The following CDH9 variants were observed in gnomAD, a reference collection of about 807,000 sequenced individuals.
The protein encoded by CDH9 is cadherin-9.
In CDH9, 28 loss-of-function variants were observed where a neutral mutation model predicts 70.9. The ratio of observed to expected loss-of-function variants is 0.40; its 90% CI spans 0.29 to 0.54. CDH9 has a LOEUF of 0.54. Ranked by LOEUF, CDH9 falls within the 20% of genes least tolerant of loss-of-function variation. The pLI is 0.59. For missense variants in CDH9, 874 were observed against 984.4 expected (o/e 0.89, Z 1.50); for synonymous variants, 409 against 343.1 (o/e 1.19, Z -2.12).
intron 2 of CDH9, among the ~76,000 whole-genome samples, chr5:26,952,901 C>CAA (rs70939788): frequency 2.3e-3 from 243 of 105,252 alleles, no homozygotes; most frequent in African/African-American, 6.4e-3. Flanking sequence ...GTTTCTATTC[C>CAA]AAAAAAAAAA....
At chr5:27,021,332 A>G (rs1445156652) in intron 1 of CDH9, among the ~76,000 whole-genome samples, 1 of 151,878 alleles carries the variant, frequency 6.6e-6, no homozygotes, top group Non-Finnish European at 1.5e-5. Context: ...TATGATCTAC[A>G]ATTGTATATT....
intron 11 of CDH9, among the ~76,000 whole-genome samples, chr5:26,882,292 A>T (rs1288935065): frequency 1.3e-5 from 2 of 152,024 alleles, no homozygotes; most frequent in Non-Finnish European, 2.9e-5. Flanking sequence ...CGTGCAAAAC[A>T]CCTCAGACTG....
chr5:26,944,826 C>T (rs1028209207), intron 2 of CDH9, among the ~76,000 whole-genome samples: 12 of 151,862 alleles, frequency 7.9e-5, no homozygotes, highest in African/African-American at 2.2e-4. Flanking sequence ...TTTCCAACAC[C>T]GACAGGAAGC....
At chr5:26,962,680 T>A (rs1221514599) in intron 2 of CDH9, among the ~76,000 whole-genome samples, 2 of 152,158 alleles carry the variant, frequency 1.3e-5, no homozygotes, top group African/African-American at 4.8e-5. Flanking sequence ...TTACTGACTC[T>A]CACTCTCATG....
intron 2 of CDH9, among the ~76,000 whole-genome samples, chr5:26,976,393 T>C (rs1246912717): frequency 6.6e-6 from 1 of 152,170 alleles, no homozygotes; most frequent in Non-Finnish European, 1.5e-5. Flanking sequence ...TACACAGGCA[T>C]ATTGATTGTG....
Position 26,889,813 on chromosome 5 carries a change from A to C in CDH9, c.1512+23T>G, listed in dbSNP as rs1293781969. 6 of 1,439,010 alleles carry C rather than the reference A, an allele frequency of 4.2e-6. No individual in the cohort carries two copies. In the African/African-American group the frequency reaches 7.1e-5, roughly 17 times the overall value. The allele number at this position is 1,439,010 out of a possible 1,614,324, so 89.1% of individuals were successfully genotyped here. ...TTGTAAAGAGAAAATATATTCTTTT[A>C]AGTTTTTAATGATTTTATTTACCTG... On this transcript the variant is annotated intron_variant, in intron 9 of 11. Coordinates refer to ENST00000231021, the MANE Select transcript of CDH9 (RefSeq NM_016279.4).
At chr5:26,982,977 GC>G (rs1257970980) in intron 2 of CDH9, among the ~76,000 whole-genome samples, 1 of 152,022 alleles carries the variant, frequency 6.6e-6, no homozygotes, top group Non-Finnish European at 1.5e-5. Flanking sequence ...GAGCCACCGC[GC>G]CTGGTCTATG....
At chr5:27,028,566 C>A (rs556943129) in intron 1 of CDH9, among the ~76,000 whole-genome samples, 35 of 152,038 alleles carry the variant, frequency 2.3e-4, no homozygotes, top group African/African-American at 8.4e-4. Context: ...CAGGCAAGGA[C>A]AAGTCTTTTC....
At chr5:26,927,358 C>T (rs1430966233) in intron 2 of CDH9, among the ~76,000 whole-genome samples, 1 of 151,954 alleles carries the variant, frequency 6.6e-6, no homozygotes, top group Middle Eastern at 3.2e-3. Context: ...CCAAGTTCAC[C>T]ACTGTTATTC....
Position 26,915,728 on chromosome 5 carries a change from T to A in CDH9, c.425A>T (p.Glu142Val), listed in dbSNP as rs1342944428. 1 of 1,613,470 alleles carries A rather than the reference T, an allele frequency of 6.2e-7. No individual in the cohort carries two copies. ...DRKTGRQVEPESEFIIKIHDI... is the reference protein window; with the variant it reads ...DRKTGRQVEPVSEFIIKIHDI... ...ATGTATTTTAATGATAAATTCCGAT[T>A]CCGGTTCCACCTGCCGCCCAGTTTT... Residue 142 changes from glutamate (E) to valine (V), a missense_variant, in exon 3 of 12, where the codon GAA (glutamate) becomes GTA (valine). Glu to Val is a moderately radical substitution (Grantham distance 121). Coordinates refer to ENST00000231021, the MANE Select transcript of CDH9 (RefSeq NM_016279.4).
chr5:27,037,325 T>G (rs1354534879), intron 1 of CDH9, among the ~76,000 whole-genome samples: 2 of 151,916 alleles, frequency 1.3e-5, no homozygotes, highest in East Asian at 3.9e-4. Flanking sequence ...CTCATCTACC[T>G]ATAATACAAA....
chr5:26,975,243 T>C (rs1273006160), intron 2 of CDH9, among the ~76,000 whole-genome samples: 3 of 152,146 alleles, frequency 2.0e-5, no homozygotes, highest in Non-Finnish European at 2.9e-5. Context: ...CGGAAGTGAC[T>C]AGAAAATATT....
At chr5:26,931,747 GTGTGTC>G (rs1741465997) in intron 2 of CDH9, among the ~76,000 whole-genome samples, 1 of 152,124 alleles carries the variant, frequency 6.6e-6, no homozygotes, top group African/African-American at 2.4e-5. Flanking sequence ...AAGTGTGTGT[GTGTGTC>G]TGTATGTGTG....
At chr5:26,926,981 T>A (rs1190493471) in intron 2 of CDH9, among the ~76,000 whole-genome samples, 1 of 144,376 alleles carries the variant, frequency 6.9e-6, no homozygotes, top group South Asian at 2.3e-4. Flanking sequence ...AAATCCTTGA[T>A]AAATATTGAC....
chr5:26,960,527 A>C (rs1220218630), intron 2 of CDH9, among the ~76,000 whole-genome samples: 1 of 152,038 alleles, frequency 6.6e-6, no homozygotes, highest in South Asian at 2.1e-4. Flanking sequence ...GAAAACAAAC[A>C]AAAAAGTAAC....
intron 3 of CDH9, among the ~76,000 whole-genome samples, chr5:26,909,452 A>T (rs1441073103): frequency 6.6e-6 from 1 of 151,576 alleles, no homozygotes; most frequent in Admixed American, 6.6e-5. Context: ...TATAGTAAGT[A>T]AAATATAGTG....
At chr5:26,941,603 CA>C (rs1469042872) in intron 2 of CDH9, among the ~76,000 whole-genome samples, 1 of 152,130 alleles carries the variant, frequency 6.6e-6, no homozygotes, top group Non-Finnish European at 1.5e-5. Context: ...GGACAAGTCC[CA>C]AAACCAAGTT....
intron 2 of CDH9, among the ~76,000 whole-genome samples, chr5:26,922,415 T>A (rs1309355386): frequency 6.6e-6 from 1 of 151,976 alleles, no homozygotes; most frequent in East Asian, 1.9e-4. Flanking sequence ...ACTTACAGGA[T>A]AAGAGAGAGT....
chr5:26,915,794 T>C lies in CDH9; in HGVS notation c.359A>G (p.Glu120Gly). 1 of 1,613,648 alleles carries C rather than the reference T, an allele frequency of 6.2e-7. No individual in the cohort carries two copies. The highest frequency in any genetic ancestry group is 8.5e-7 in the Non-Finnish European group (1 of 1,179,616). Residue 120 changes from glutamate (E) to glycine (G), a missense_variant, in exon 3 of 12, where the codon GAA (glutamate) becomes GGA (glycine). Glu to Gly is a moderately conservative substitution (Grantham distance 98, BLOSUM62 -2). Coordinates refer to ENST00000231021, the MANE Select transcript of CDH9 (RefSeq NM_016279.4). ...IHAAKKLDRE[E>G]KSLYILRAKA... ...GGCACGAAGAATGTACAGAGATTTT[T>C]CTTCTCTGTCTAGTTTCTTTGCAGC...
Sources: gnomAD v4.1 joint callset for allele counts (sites outside exome capture counted in the v4.1 genomes callset) on GRCh38, gnomAD v4.1.1 for gene constraint, MANE v1.5 for transcripts, NCBI Gene and HGNC (gene_info 2026-07-23, HGNC 2026-07-21) for gene names.